The following NCAM2 variants were observed in gnomAD, a reference collection of about 807,000 sequenced individuals.
NCAM2 encodes N-CAM-2.
A neutral mutation model predicts 98.1 loss-of-function variants in NCAM2; 30 were observed. The ratio of observed to expected loss-of-function variants is 0.31; its 90% CI spans 0.23 to 0.41. NCAM2 has a LOEUF of 0.41. Among genes scored for constraint, NCAM2 ranks in the 10% least tolerant of loss-of-function variants. NCAM2 has a pLI of 1.00. For synonymous variants in NCAM2, 368 were observed against 342.4 expected (o/e 1.07, Z -0.83); for missense variants, 867 against 1,005.8 (o/e 0.86, Z 1.87).
intron 8 of NCAM2, among the ~76,000 whole-genome samples, chr21:21,351,031 G>A (rs191454514): frequency 6.9e-6 from 1 of 143,986 alleles, no homozygotes; most frequent in African/African-American, 2.5e-5. Context: ...GCAGAATGGC[G>A]TGAACGCGGG....
chr21:21,498,402 C>T (rs1233045903), intron 15 of NCAM2, among the ~76,000 whole-genome samples: 2 of 152,126 alleles, frequency 1.3e-5, no homozygotes, highest in African/African-American at 4.8e-5. Flanking sequence ...ACATTACTAG[C>T]ATTACATACT....
intron 3 of NCAM2, among the ~76,000 whole-genome samples, chr21:21,285,229 T>TTA (rs1250414016): frequency 4.0e-5 from 6 of 151,754 alleles, no homozygotes; most frequent in Non-Finnish European, 8.8e-5. Context: ...CAATGGTAAA[T>TTA]TATATATATA....
intron 12 of NCAM2, among the ~76,000 whole-genome samples, chr21:21,443,409 G>A (rs1423021583): frequency 1.4e-5 from 2 of 146,960 alleles, no homozygotes; most frequent in Admixed American, 6.9e-5. Context: ...ATGAACCCCA[G>A]AACTTAAAAG....
At chr21:21,088,634 G>A (rs893833055) in intron 1 of NCAM2, among the ~76,000 whole-genome samples, 10 of 152,078 alleles carry the variant, frequency 6.6e-5, no homozygotes, top group Admixed American at 5.9e-4. Context: ...ATAAAATATA[G>A]GGGGTTGTTG....
At position 21,006,279 on chromosome 21, in the gene NCAM2, G is replaced by C. The variant is rs187982235; in HGVS notation, c.55+7661G>C. ...CCCAGGACTTTGGGAGGCCAAGGCC[G>C]GCAGGTTGCTTGAGATCAGAAGTTT... On this transcript the variant is annotated intron_variant, in intron 1 of 17. Transcript: ENST00000400546. Among the ~76,000 whole-genome samples, 824 of 152,208 alleles carry C rather than the reference G, an allele frequency of 5.4e-3. 4 individuals are homozygous for C. The highest frequency in any genetic ancestry group is 0.019 in the African/African-American group (784 of 41,530).
chr21:21,259,637 T>G (rs2071815168), intron 1 of NCAM2, among the ~76,000 whole-genome samples: 1 of 152,106 alleles, frequency 6.6e-6, no homozygotes. Flanking sequence ...CTAGAATGGC[T>G]TAGTGCTAGT....
Position 21,056,664 on chromosome 21 carries a change from A to G in NCAM2, c.55+58046A>G, listed in dbSNP as rs372941771. On this transcript the variant is annotated intron_variant, in intron 1 of 17. Transcript: ENST00000400546. ...GTGTGACATGGCTCTCCAGAAGTCA[A>G]ACTGATCTGAAAGACAGGAAGAGTC... is the stretch of plus-strand genomic sequence containing the variant. Among the ~76,000 whole-genome samples the G allele has an allele frequency of 2.5e-3, 386 of 152,178 alleles. 2 individuals are homozygous for G. The highest frequency in any genetic ancestry group is 3.9e-3 in the Non-Finnish European group (267 of 67,968).
At chr21:21,025,808 T>C (rs1472955833) in intron 1 of NCAM2, among the ~76,000 whole-genome samples, 1 of 152,234 alleles carries the variant, frequency 6.6e-6, no homozygotes, top group South Asian at 2.1e-4. Flanking sequence ...TGAGCTGTTG[T>C]GTCTTTGAAT....
chr21:21,395,357 A>G (rs1484274999), intron 9 of NCAM2, among the ~76,000 whole-genome samples: 3 of 152,230 alleles, frequency 2.0e-5, no homozygotes, highest in Admixed American at 6.5e-5. Flanking sequence ...AAAAAAAAGA[A>G]AAATAATTTT....
At chr21:21,460,045 C>G (rs1982737215) in intron 12 of NCAM2, among the ~76,000 whole-genome samples, 1 of 151,742 alleles carries the variant, frequency 6.6e-6, no homozygotes, top group Admixed American at 6.6e-5. Context: ...ATCAAAACAT[C>G]AAGTTAAACC....
chr21:21,443,626 T>G (rs1015750873), intron 12 of NCAM2, among the ~76,000 whole-genome samples: 1 of 152,124 alleles, frequency 6.6e-6, no homozygotes, highest in African/African-American at 2.4e-5. Flanking sequence ...ATGAAGCTTC[T>G]TTGGATAACA....
chr21:21,074,301 A>G (rs930082281), intron 1 of NCAM2, among the ~76,000 whole-genome samples: 1 of 152,084 alleles, frequency 6.6e-6, no homozygotes, highest in Non-Finnish European at 1.5e-5. Flanking sequence ...TTTATTTTAC[A>G]TTAATTACAT....
At chr21:21,295,361 T>C (rs2073439892) in intron 5 of NCAM2, among the ~76,000 whole-genome samples, 1 of 151,854 alleles carries the variant, frequency 6.6e-6, no homozygotes, top group African/African-American at 2.4e-5. Flanking sequence ...CCTCCCTCTG[T>C]GACTTTCTTA....
At chr21:21,452,352 G>C (rs73894699) in intron 12 of NCAM2, among the ~76,000 whole-genome samples, 1 of 149,044 alleles carries the variant, frequency 6.7e-6, no homozygotes, top group African/African-American at 2.5e-5. Context: ...AAACTGAAAA[G>C]CACCTACTAT....
Position 21,324,431 on chromosome 21 carries a change from A to C in NCAM2, c.668A>C (p.Glu223Ala). Residue 223 changes from glutamate (E) to alanine (A), a missense_variant, in exon 6 of 18, where the codon GAG becomes GCG. This residue lies in a region of NCAM2 where 447 missense variants were observed against 495.7 expected (regional missense o/e 0.90). Transcript: ENST00000400546. ...MPQKSFNATA[E>A]RGEEMTFSCR... ...CAGAAATCTTTTAATGCCACAGCAG[A>C]GAGAGGAGAAGAAATGACATTTTCC... 1 of 1,613,820 alleles carries C rather than the reference A, an allele frequency of 6.2e-7. No homozygotes were observed. Among genetic ancestry groups the C allele is most frequent in the Middle Eastern group, 1.7e-4 (1 of 6,060 alleles).
chr21:21,198,632 C>T (rs1485414080), intron 1 of NCAM2, among the ~76,000 whole-genome samples: 1 of 152,166 alleles, frequency 6.6e-6, no homozygotes, highest in Non-Finnish European at 1.5e-5. Flanking sequence ...TTCTCAAGGT[C>T]TGTTGATAAT....
At chr21:21,346,275 A>T (rs527456346) in intron 8 of NCAM2, among the ~76,000 whole-genome samples, 2 of 151,904 alleles carry the variant, frequency 1.3e-5, no homozygotes, top group East Asian at 3.9e-4. Context: ...AACAAAAACT[A>T]TAAGAAAAGA....
In NCAM2 at chr21:21,466,704, A is replaced by G; in HGVS notation, c.1753A>G (p.Ile585Val). 1 of 1,607,950 alleles carries G rather than the reference A, an allele frequency of 6.2e-7. No homozygotes were observed. Among genetic ancestry groups the G allele is most frequent in the Non-Finnish European group, 8.5e-7 (1 of 1,176,706 alleles). ...KGQGDYSKIE[I>V]FQTLPVREPS... ...ACAAGGAGACTACAGTAAAATAGAA[A>G]TCTTCCAAACATTACCAGTTCGTAA... The change falls in exon 13 of 18, where the codon ATC becomes GTC. Residue 585 changes from isoleucine to valine, a missense_variant. Ile to Val is a conservative substitution (Grantham distance 29, BLOSUM62 3). This residue lies in a region of NCAM2 where 234 missense variants were observed against 333.8 expected (regional missense o/e 0.70). Transcript: ENST00000400546.
At chr21:20,999,098 C>G (rs2063972837) in intron 1 of NCAM2, among the ~76,000 whole-genome samples, 1 of 151,672 alleles carries the variant, frequency 6.6e-6, no homozygotes, top group Admixed American at 6.6e-5. Context: ...TTTTCCACCC[C>G]TTTCCCAAAA....
Sources: allele counts gnomAD v4.1 joint callset (sites outside exome capture counted in the v4.1 genomes callset), GRCh38; gene constraint gnomAD v4.1.1; regional missense constraint gnomAD v4.1.1; transcripts MANE v1.5; gene names NCBI Gene and HGNC (gene_info 2026-07-23, HGNC 2026-07-21).